CAMK1D: variants seen among roughly 807,000 people sequenced by gnomAD.
CAMK1D encodes the protein calcium/calmodulin dependent protein kinase ID.
Under a neutral mutation model 47.7 loss-of-function variants are expected in CAMK1D, and 9 were observed. The ratio of observed to expected loss-of-function variants is 0.19; its 90% CI spans 0.11 to 0.33. The LOEUF (loss-of-function observed/expected upper bound fraction) is 0.33, where lower values mean the gene tolerates loss of function less well. Among genes scored for constraint, CAMK1D ranks in the 10% least tolerant of loss-of-function variants. CAMK1D has a pLI of 1.00. For missense variants in CAMK1D, 291 were observed against 488.7 expected, an observed-to-expected ratio of 0.60 and a Z score of 3.81; for synonymous variants, 184 against 184.9, an observed-to-expected ratio of 0.99 and a Z score of 0.04.
At chr10:12,641,982 T>TGCA (rs1839679051) in intron 2 of CAMK1D, among the ~76,000 whole-genome samples, 1 of 150,696 alleles carries the variant, frequency 6.6e-6, no homozygotes, top group South Asian at 2.1e-4. Flanking sequence ...GAGGCAAGGT[T>TGCA]GCAGTGAGCC....
intron 1 of CAMK1D, among the ~76,000 whole-genome samples, chr10:12,541,891 T>TCCTTCCTTCCTTCC (rs1836204837): frequency 2.2e-5 from 1 of 45,068 alleles, no homozygotes; most frequent in Non-Finnish European, 5.6e-5. Flanking sequence ...TCCTTCCTTT[T>TCCTTCCTTCCTTCC]TTTTTTTCAG....
intron 1 of CAMK1D, among the ~76,000 whole-genome samples, chr10:12,420,378 A>T (rs369202705): frequency 1.3e-5 from 2 of 152,212 alleles, no homozygotes; most frequent in South Asian, 2.1e-4. Flanking sequence ...ATGAACTTTA[A>T]TGATTTTACT....
At chr10:12,695,002 A>G (rs567698674) in intron 3 of CAMK1D, among the ~76,000 whole-genome samples, 11 of 151,526 alleles carry the variant, frequency 7.3e-5, no homozygotes, top group African/African-American at 2.4e-4. Context: ...GAGTGGACCA[A>G]TTCCTTAAAA....
chr10:12,646,384 G>GT (rs1350070053), intron 2 of CAMK1D, among the ~76,000 whole-genome samples: 11 of 151,952 alleles, frequency 7.2e-5, no homozygotes, highest in Admixed American at 3.9e-4. Flanking sequence ...AATAGTAAAC[G>GT]TTTTTTTCTC....
intron 5 of CAMK1D, among the ~76,000 whole-genome samples, chr10:12,781,865 C>T (rs1837511822): frequency 2.0e-5 from 3 of 152,000 alleles, no homozygotes; most frequent in Admixed American, 1.3e-4. Flanking sequence ...CCAGGCTGGT[C>T]TCAAACTCCT....
At chr10:12,408,179 T>C (rs1049133011) in intron 1 of CAMK1D, among the ~76,000 whole-genome samples, 41 of 150,110 alleles carry the variant, frequency 2.7e-4, no homozygotes, top group African/African-American at 9.8e-4. Flanking sequence ...CTTTTTTTTT[T>C]GAGATGGAGT....
chr10:12,768,979 G>A (rs1836909387), intron 4 of CAMK1D, among the ~76,000 whole-genome samples: 1 of 152,212 alleles, frequency 6.6e-6, no homozygotes, highest in African/African-American at 2.4e-5. Flanking sequence ...ATGGAAGAAG[G>A]CCTTTGCTGT....
intron 1 of CAMK1D, among the ~76,000 whole-genome samples, chr10:12,446,845 T>C (rs148029648): frequency 2.6e-5 from 4 of 152,348 alleles, no homozygotes; most frequent in Non-Finnish European, 4.4e-5. Context: ...TACTGTGTGC[T>C]GTATCTTAGT....
intron 1 of CAMK1D, among the ~76,000 whole-genome samples, chr10:12,411,679 A>G (rs531106764): frequency 6.6e-6 from 1 of 150,834 alleles, no homozygotes; most frequent in East Asian, 2.0e-4. Context: ...GTTCACTGCA[A>G]CCTTCACCTT....
At chr10:12,534,845 C>T (rs1283871601) in intron 1 of CAMK1D, among the ~76,000 whole-genome samples, 5 of 151,936 alleles carry the variant, frequency 3.3e-5, no homozygotes, top group East Asian at 1.9e-4. Context: ...AGCAAGCAGG[C>T]GGTGAACTAG....
intron 5 of CAMK1D, among the ~76,000 whole-genome samples, chr10:12,783,307 T>C (rs567674435): frequency 4.6e-5 from 7 of 152,280 alleles, no homozygotes; most frequent in African/African-American, 1.7e-4. Context: ...GCTGGACTGT[T>C]GGCTTTTATC....
intron 5 of CAMK1D, among the ~76,000 whole-genome samples, chr10:12,783,235 C>T (rs978684028): frequency 1.2e-4 from 19 of 152,218 alleles, no homozygotes; most frequent in Middle Eastern, 3.4e-3. Context: ...TCACGTGATC[C>T]GCCCACCTCA....
intron 4 of CAMK1D, among the ~76,000 whole-genome samples, chr10:12,767,333 A>G (rs1316259596): frequency 6.6e-6 from 1 of 151,988 alleles, no homozygotes; most frequent in Non-Finnish European, 1.5e-5. Context: ...GCCCGCCACC[A>G]TGCCTGGGTA....
At chr10:12,389,870 G>C (rs539506709) in intron 1 of CAMK1D, among the ~76,000 whole-genome samples, 1 of 151,948 alleles carries the variant, frequency 6.6e-6, no homozygotes, top group East Asian at 1.9e-4. Context: ...TCTGCATTTA[G>C]GTCAGTGGAA....
At chr10:12,463,220 C>G (rs1452688225) in intron 1 of CAMK1D, among the ~76,000 whole-genome samples, 1 of 151,674 alleles carries the variant, frequency 6.6e-6, no homozygotes, top group East Asian at 1.9e-4. Flanking sequence ...TCACTGCAAC[C>G]TCTGCCTCCC....
chr10:12,371,887 G>T (rs528595282), intron 1 of CAMK1D, among the ~76,000 whole-genome samples: 2 of 151,594 alleles, frequency 1.3e-5, no homozygotes, highest in Non-Finnish European at 2.9e-5. Context: ...GACTGGTCTC[G>T]AACTCCTGAC....
chr10:12,386,465 C>A (rs1370106103), intron 1 of CAMK1D, among the ~76,000 whole-genome samples: 1 of 151,236 alleles, frequency 6.6e-6, no homozygotes, highest in Admixed American at 6.6e-5. Context: ...AACCAAAAAC[C>A]CTGTCTCAAA....
intron 3 of CAMK1D, among the ~76,000 whole-genome samples, chr10:12,711,422 C>T (rs1367616090): frequency 1.3e-5 from 2 of 152,212 alleles, no homozygotes; most frequent in African/African-American, 2.4e-5. Flanking sequence ...GATAAATATG[C>T]ATGAGAATGC....
At chr10:12,515,586 A>G (rs1472854981) in intron 1 of CAMK1D, among the ~76,000 whole-genome samples, 1 of 50,488 alleles carries the variant, frequency 2.0e-5, no homozygotes, top group Non-Finnish European at 3.5e-5. Context: ...ACCCCACCAC[A>G]GTCCCCAGAG....
Sources: gnomAD v4.1 joint callset for allele counts (sites outside exome capture counted in the v4.1 genomes callset) on GRCh38, gnomAD v4.1.1 for gene constraint, MANE v1.5 for transcripts, NCBI Gene and HGNC (gene_info 2026-07-23, HGNC 2026-07-21) for gene names.